The following MAP2K5 variants were observed in gnomAD, a reference collection of about 807,000 sequenced individuals.
MAP2K5 encodes mitogen-activated protein kinase kinase 5.
Under a neutral mutation model 83.1 loss-of-function variants are expected in MAP2K5, and 49 were observed. The observed-to-expected ratio is 0.59, with a 90% confidence interval of 0.47 to 0.75. MAP2K5 has a LOEUF of 0.75. MAP2K5 is among the 30% of genes least tolerant of loss of function. MAP2K5 has a pLI of 0.00. For synonymous variants in MAP2K5, 202 were observed against 191.8 expected, an observed-to-expected ratio of 1.05 and a Z score of -0.44; for missense variants, 457 against 557.5, an observed-to-expected ratio of 0.82 and a Z score of 1.82.
Position 67,572,530 on chromosome 15 carries a change from A to G in MAP2K5, c.253-8224A>G, listed in dbSNP as rs537904283. On this transcript the variant is annotated intron_variant, in intron 3 of 21. Transcript: ENST00000178640. The surrounding 1 kb of genome is among the most constrained non-coding windows in gnomAD (Gnocchi z 4.2). ...TGGTGAAAGAATAGCTACTCACTCCATAGAGTAGGACGTTCCCGAAAGTAG... is the reference window on the plus strand; with the variant it reads ...TGGTGAAAGAATAGCTACTCACTCCGTAGAGTAGGACGTTCCCGAAAGTAG... 2.6e-5 allele frequency among the ~76,000 whole-genome samples: 4 copies of G among 152,306 alleles called. No individual in the cohort carries two copies. The South Asian group carries it at 8.3e-4, about 32-fold the overall frequency.
At position 67,556,544 on chromosome 15, in the gene MAP2K5, T is replaced by C. The variant is rs1175572810; in HGVS notation, c.184+6462T>C. Among the ~76,000 whole-genome samples, 5 of 120,008 alleles carry C rather than the reference T, an allele frequency of 4.2e-5. No individual in the cohort carries two copies. The East Asian group carries it at 1.3e-3, about 32-fold the overall frequency. 78.7% of individuals were successfully genotyped at this position (120,008 alleles called of 152,430 possible). ...TTCAGAATTTGTTTATTTTTCTTTTTCTTTTCTTTCTTTTTTTTTTTTTTT... is the reference window on the plus strand; with the variant it reads ...TTCAGAATTTGTTTATTTTTCTTTTCCTTTTCTTTCTTTTTTTTTTTTTTT... On this transcript the variant is annotated intron_variant, in intron 2 of 21. Coordinates refer to ENST00000178640, the MANE Select transcript of MAP2K5 (RefSeq NM_145160.3).
chr15:67,729,046 A>G (rs2089164489), intron 17 of MAP2K5, among the ~76,000 whole-genome samples: 1 of 152,166 alleles, frequency 6.6e-6, no homozygotes, highest in African/African-American at 2.4e-5. Context: ...CACTTTTCAA[A>G]TTCATAGACT....
In MAP2K5 at chr15:67,786,646, G is replaced by A. The variant is rs963347968; in HGVS notation, c.1242+13894G>A. 1.3e-5 allele frequency among the ~76,000 whole-genome samples: 2 copies of A among 152,164 alleles called. No homozygotes were observed. Among genetic ancestry groups the A allele is most frequent in the Non-Finnish European group, 2.9e-5 (2 of 68,024 alleles). On this transcript the variant is annotated intron_variant, in intron 21 of 21. Coordinates refer to ENST00000178640, the MANE Select transcript of MAP2K5 (RefSeq NM_145160.3). The surrounding 1 kb of genome is among the most constrained non-coding windows in gnomAD (Gnocchi z 4.7). ...TGGCTCGGGCCTGAGTACAGAACTTGGAAAGTGGTGGTACAACAGAAAGCC... is the reference window on the plus strand; with the variant it reads ...TGGCTCGGGCCTGAGTACAGAACTTAGAAAGTGGTGGTACAACAGAAAGCC...
At chr15:67,583,670 T>C (rs1043219203) in intron 4 of MAP2K5, among the ~76,000 whole-genome samples, 1 of 152,190 alleles carries the variant, frequency 6.6e-6, no homozygotes, top group African/African-American at 2.4e-5. Context: ...ATCTTAAATT[T>C]TATGGTTAGG....
intron 16 of MAP2K5, among the ~76,000 whole-genome samples, chr15:67,714,951 A>G (rs1487196465): frequency 6.6e-6 from 1 of 152,204 alleles, no homozygotes; most frequent in Non-Finnish European, 1.5e-5. Context: ...CAGTCTCCTG[A>G]TCCAACTAGT....
rs2088605084 is a variant in MAP2K5 at position 67,708,220 on chromosome 15, G to T, written c.1044+4812G>T. On this transcript the variant is annotated intron_variant, in intron 16 of 21. Coordinates refer to ENST00000178640, the MANE Select transcript of MAP2K5 (RefSeq NM_145160.3). The surrounding 1 kb of genome is among the most constrained non-coding windows in gnomAD (Gnocchi z 4.9). ...TGCCTATAGTCCTTGCTATGTGGCAGGCTGAGGCAGGAAAATTGCTAGAGC... is the reference window on the plus strand; with the variant it reads ...TGCCTATAGTCCTTGCTATGTGGCATGCTGAGGCAGGAAAATTGCTAGAGC... Among the ~76,000 whole-genome samples the T allele has an allele frequency of 1.3e-5, 2 of 151,852 alleles. No homozygotes were observed. The highest frequency in any genetic ancestry group is 2.9e-5 in the Non-Finnish European group (2 of 67,986).
chr15:67,571,102 G>A (rs2084939517), intron 3 of MAP2K5, among the ~76,000 whole-genome samples: 1 of 152,200 alleles, frequency 6.6e-6, no homozygotes, highest in African/African-American at 2.4e-5. Flanking sequence ...GATTCTTCCT[G>A]TAAACATTTG....
chr15:67,563,375 A>G lies in MAP2K5; in HGVS notation c.252+25A>G. ...TGTAAGTATACGACAAATGAAGACT[A>G]TTTTTTAAAATCTTAACGTGATTGA... is the stretch of plus-strand genomic sequence containing the variant. On this transcript the variant is annotated intron_variant, in intron 3 of 21. Transcript: ENST00000178640. This position sits in a 1 kb window ranked among gnomAD's most constrained non-coding sequence, Gnocchi z 4.5. 1.3e-6 allele frequency: 2 copies of G among 1,598,190 alleles called. No homozygotes were observed. The highest frequency in any genetic ancestry group is 2.3e-5 in the East Asian group (1 of 44,432).
intron 12 of MAP2K5, among the ~76,000 whole-genome samples, chr15:67,662,797 G>A (rs1205619829): frequency 6.6e-6 from 1 of 152,064 alleles, no homozygotes; most frequent in African/African-American, 2.4e-5. Flanking sequence ...TCAGATGTTT[G>A]TATTTTCTCA....
At chr15:67,551,046 A>G (rs1416036021) in intron 2 of MAP2K5, among the ~76,000 whole-genome samples, 1 of 152,210 alleles carries the variant, frequency 6.6e-6, no homozygotes, top group African/African-American at 2.4e-5. Context: ...TGCTGGGATT[A>G]TAAGTGTGAG....
chr15:67,658,904 GTTTT>G (rs2087161406), intron 12 of MAP2K5: 5 of 466,580 alleles, frequency 1.1e-5, no homozygotes. Context: ...AAAAAATGCT[GTTTT>G]TTGTTTTGTT....
chr15:67,750,419 CAT>C lies in MAP2K5; in HGVS notation c.1134+1820_1134+1821del, dbSNP rs2089692544. Among the ~76,000 whole-genome samples, 1 of 152,206 alleles carries C rather than the reference CAT, an allele frequency of 6.6e-6. No individual in the cohort carries two copies. The highest frequency in any genetic ancestry group is 2.4e-5 in the African/African-American group (1 of 41,448). On this transcript the variant is annotated intron_variant, in intron 19 of 21. Coordinates refer to ENST00000178640, the MANE Select transcript of MAP2K5 (RefSeq NM_145160.3). The surrounding 1 kb of genome is among the most constrained non-coding windows in gnomAD (Gnocchi z 4.2). ...ATGACCTGCCTTAGACAAGATGAAT[CAT>C]AGCATCTCGGAAAGGAAGGATTGGT...
At chr15:67,797,411 T>A (rs1596990211) in intron 21 of MAP2K5, among the ~76,000 whole-genome samples, 1 of 152,226 alleles carries the variant, frequency 6.6e-6, no homozygotes, top group East Asian at 1.9e-4. Context: ...TAGGATTGGC[T>A]TCCCTTTGCC....
intron 8 of MAP2K5, among the ~76,000 whole-genome samples, chr15:67,615,844 G>C (rs1361469219): frequency 6.6e-6 from 1 of 152,096 alleles, no homozygotes; most frequent in African/African-American, 2.4e-5. Context: ...GTTTGTGTCA[G>C]TATTTGTGTA....
At position 67,700,307 on chromosome 15, in the gene MAP2K5, T is replaced by G. The variant is rs116926486; in HGVS notation, c.973-3030T>G. ...ATTAGATCATCACTACTCTTTACTGTTCTTATTAAGAACAGGTCAGGGTTT... is the reference window on the plus strand; with the variant it reads ...ATTAGATCATCACTACTCTTTACTGGTCTTATTAAGAACAGGTCAGGGTTT... On this transcript the variant is annotated intron_variant, in intron 15 of 21. Coordinates refer to ENST00000178640, the MANE Select transcript of MAP2K5 (RefSeq NM_145160.3). Among the ~76,000 whole-genome samples, 848 of 152,298 alleles carry G rather than the reference T, an allele frequency of 5.6e-3. 7 individuals are homozygous for G. Among genetic ancestry groups the G allele is most frequent in the Middle Eastern group, 0.01 (3 of 294 alleles).
Position 67,714,108 on chromosome 15 carries a change from C to T in MAP2K5, c.1044+10700C>T, listed in dbSNP as rs544820812. ...GGGATACATTGGCAAACAAAATAGG[C>T]ATATTCCCTTTCCTTGTTGAGCCTA... On this transcript the variant is annotated intron_variant, in intron 16 of 21. Coordinates refer to ENST00000178640, the MANE Select transcript of MAP2K5 (RefSeq NM_145160.3). 8.5e-5 allele frequency among the ~76,000 whole-genome samples: 13 copies of T among 152,238 alleles called. No homozygotes were observed. The South Asian group carries it at 2.5e-3, about 29-fold the overall frequency.
At position 67,587,974 on chromosome 15, in the gene MAP2K5, T is replaced by G; in HGVS notation, c.431+1061T>G. 45 of 301,870 alleles carry G rather than the reference T, an allele frequency of 1.5e-4. No individual in the cohort carries two copies. The highest frequency in any genetic ancestry group is 2.1e-4 in the Non-Finnish European group (44 of 205,094). 18.7% of individuals were successfully genotyped at this position (301,870 alleles called of 1,614,324 possible). A position where few individuals can be genotyped will look rare whatever the true frequency, so the allele number is the denominator to read the frequency against. ...TCTCCAGATCACTGCCACAGCCTCCTGAGAGTCTACTCCCTCCGTTCTTGG... is the reference window on the plus strand; with the variant it reads ...TCTCCAGATCACTGCCACAGCCTCCGGAGAGTCTACTCCCTCCGTTCTTGG... On this transcript the variant is annotated intron_variant, in intron 6 of 21. Transcript: ENST00000178640. This position sits in a 1 kb window ranked among gnomAD's most constrained non-coding sequence, Gnocchi z 4.8.
chr15:67,737,844 CTTT>C (rs35988425), intron 17 of MAP2K5, among the ~76,000 whole-genome samples: 1 of 69,296 alleles, frequency 1.4e-5, no homozygotes, highest in Non-Finnish European at 2.5e-5. Flanking sequence ...ATAGAATAGT[CTTT>C]TTTTTTTTTT....
In MAP2K5 at chr15:67,552,350, C is replaced by T. The variant is rs957145789; in HGVS notation, c.184+2268C>T. Among the ~76,000 whole-genome samples the T allele has an allele frequency of 3.3e-5, 5 of 152,142 alleles. No homozygotes were observed. Among genetic ancestry groups the T allele is most frequent in the East Asian group, 3.8e-4 (2 of 5,202 alleles). On this transcript the variant is annotated intron_variant, in intron 2 of 21. Transcript: ENST00000178640. This position sits in a 1 kb window ranked among gnomAD's most constrained non-coding sequence, Gnocchi z 4.2. ...CATGGACAGTCTGATAGTTAACATT[C>T]GGAGTACTTACTGTTGACAGATGCT... is the stretch of plus-strand genomic sequence containing the variant.
Sources: gnomAD v4.1 joint callset for allele counts (sites outside exome capture counted in the v4.1 genomes callset) on GRCh38, gnomAD v4.1.1 for gene constraint, Gnocchi (gnomAD v3.1) non-coding constraint, MANE v1.5 for transcripts, NCBI Gene and HGNC (gene_info 2026-07-23, HGNC 2026-07-21) for gene names.